The following RANBP10 variants were observed in gnomAD, a reference collection of about 807,000 sequenced individuals.
The protein encoded by RANBP10 is RAN binding protein 10.
A neutral mutation model predicts 72.8 loss-of-function variants in RANBP10; 24 were observed. The ratio of observed to expected loss-of-function variants is 0.33; its 90% confidence interval spans 0.24 to 0.46. RANBP10 has a LOEUF of 0.46. RANBP10 is among the 20% of genes least tolerant of loss of function. The probability of loss-of-function intolerance (pLI) is 1.00; values close to 1 mark genes in which losing one functional copy is unlikely to be tolerated. For synonymous variants in RANBP10, 310 were observed against 322.3 expected (o/e 0.96, Z 0.41); for missense variants, 679 against 817.5 (o/e 0.83, Z 2.07).
chr16:67,786,077 G>A (rs1469183091), intron 2 of RANBP10, among the ~76,000 whole-genome samples: 1 of 151,818 alleles, frequency 6.6e-6, no homozygotes, highest in Non-Finnish European at 1.5e-5. Flanking sequence ...TGTAATACCA[G>A]TGCTTTGGGA....
Position 67,730,297 on chromosome 16 carries a change from G to A in RANBP10, c.890-251C>T, listed in dbSNP as rs144647952. On this transcript the variant is annotated intron_variant, in intron 7 of 13. Transcript: ENST00000317506. The surrounding 1 kb of genome is among the most constrained non-coding windows in gnomAD (Gnocchi z 4.3). ...GGAGACTCTCAGCCCAAAGGCAGGA[G>A]GGTAAATGTGGAGGTCTGCTCCTGC... 1.2e-3 allele frequency among the ~76,000 whole-genome samples: 186 copies of A among 152,346 alleles called. No homozygotes were observed. The highest frequency in any genetic ancestry group is 4.1e-3 in the African/African-American group (172 of 41,580).
intron 2 of RANBP10, among the ~76,000 whole-genome samples, chr16:67,776,634 G>A (rs551012486): frequency 2.2e-3 from 329 of 151,146 alleles, no homozygotes; most frequent in South Asian, 0.012. Flanking sequence ...TTAGCCGGGC[G>A]TGGTGGTGGG....
intron 2 of RANBP10, among the ~76,000 whole-genome samples, chr16:67,786,335 A>AT (rs1196855551): frequency 3.3e-5 from 5 of 152,184 alleles, no homozygotes; most frequent in African/African-American, 1.2e-4. Flanking sequence ...TCTGAAAAAA[A>AT]TAAAAATAAA....
intron 3 of RANBP10, among the ~76,000 whole-genome samples, chr16:67,748,138 T>C (rs1008387581): frequency 1.3e-5 from 2 of 151,914 alleles, no homozygotes; most frequent in East Asian, 1.9e-4. Context: ...ATTTTCTTAA[T>C]AATGCCTTTC....
At chr16:67,757,745 C>T (rs766447573) in intron 3 of RANBP10, among the ~76,000 whole-genome samples, 36 of 152,156 alleles carry the variant, frequency 2.4e-4, no homozygotes, top group Non-Finnish European at 2.2e-4. Context: ...CAGAGAACAC[C>T]GCTGTCACAG....
intron 2 of RANBP10, among the ~76,000 whole-genome samples, chr16:67,801,176 G>A (rs1048646507): frequency 6.6e-6 from 1 of 152,170 alleles, no homozygotes; most frequent in African/African-American, 2.4e-5. Context: ...TACAAAGGAG[G>A]TGTACTCAAA....
chr16:67,766,647 T>A (rs1357451312), intron 3 of RANBP10, among the ~76,000 whole-genome samples: 2 of 152,180 alleles, frequency 1.3e-5, no homozygotes, highest in South Asian at 4.1e-4. Flanking sequence ...CAGAAGCAGA[T>A]GCTGGAGCTA....
At chr16:67,792,794 AAAG>A (rs1283137832) in intron 2 of RANBP10, among the ~76,000 whole-genome samples, 1 of 151,862 alleles carries the variant, frequency 6.6e-6, no homozygotes, top group East Asian at 1.9e-4. Context: ...AAAAAAAAAA[AAAG>A]AATAGGCCAG....
chr16:67,756,749 C>T (rs752485982), intron 3 of RANBP10, among the ~76,000 whole-genome samples: 1 of 152,150 alleles, frequency 6.6e-6, no homozygotes, highest in Non-Finnish European at 1.5e-5. Flanking sequence ...AAAAGCTAGC[C>T]TGAGCACTGA....
intron 2 of RANBP10, among the ~76,000 whole-genome samples, chr16:67,779,671 A>C (rs895998625): frequency 2.6e-5 from 4 of 152,102 alleles, no homozygotes; most frequent in Non-Finnish European, 4.4e-5. Flanking sequence ...TTCAGTAAAA[A>C]CAGGTGTGAT....
intron 2 of RANBP10, among the ~76,000 whole-genome samples, chr16:67,796,182 C>G (rs1468629654): frequency 1.3e-5 from 2 of 152,094 alleles, no homozygotes; most frequent in African/African-American, 4.8e-5. Flanking sequence ...TCCCAAAGCG[C>G]TGGGATTACA....
chr16:67,733,404 ATAT>A (rs892524404), intron 6 of RANBP10, among the ~76,000 whole-genome samples: 2 of 152,152 alleles, frequency 1.3e-5, no homozygotes, highest in African/African-American at 4.8e-5. Flanking sequence ...TTATTACACC[ATAT>A]TATTATTATA....
At chr16:67,799,351 G>A (rs1261555260) in intron 2 of RANBP10, among the ~76,000 whole-genome samples, 7 of 146,976 alleles carry the variant, frequency 4.8e-5, no homozygotes, top group Non-Finnish European at 8.9e-5. Flanking sequence ...GCAGTGGCGC[G>A]ATCTCGGCTC....
chr16:67,755,450 G>A (rs773345353), intron 3 of RANBP10, among the ~76,000 whole-genome samples: 3 of 152,044 alleles, frequency 2.0e-5, no homozygotes, highest in Non-Finnish European at 2.9e-5. Flanking sequence ...TTGGGAGGCC[G>A]AGGTGGGTGG....
chr16:67,771,628 C>T lies in RANBP10; in HGVS notation c.400+406G>A, dbSNP rs571273031. 5.3e-5 allele frequency among the ~76,000 whole-genome samples: 8 copies of T among 152,242 alleles called. No individual in the cohort carries two copies. In the East Asian group the frequency reaches 1.4e-3, roughly 26 times the overall value. On this transcript the variant is annotated intron_variant, in intron 3 of 13. Coordinates refer to ENST00000317506, the MANE Select transcript of RANBP10 (RefSeq NM_020850.3). ...CCAAAGTGGGATTACAGGCGTGAGC[C>T]GCTGTGCCCGGCCAAAAACTTTGAT... is the stretch of plus-strand genomic sequence containing the variant.
intron 3 of RANBP10, among the ~76,000 whole-genome samples, chr16:67,769,246 A>C (rs1318064087): frequency 6.6e-6 from 1 of 150,378 alleles, no homozygotes; most frequent in Non-Finnish European, 1.5e-5. Flanking sequence ...GTTCTAGACG[A>C]GTCTGGGCAA....
chr16:67,753,105 G>A (rs908115197), intron 3 of RANBP10, among the ~76,000 whole-genome samples: 1 of 151,724 alleles, frequency 6.6e-6, no homozygotes, highest in African/African-American at 2.4e-5. Flanking sequence ...GCTGGGTGTG[G>A]CGGTGTGTAC....
intron 3 of RANBP10, among the ~76,000 whole-genome samples, chr16:67,758,840 T>C (rs1260997560): frequency 1.3e-5 from 2 of 151,210 alleles, no homozygotes; most frequent in Non-Finnish European, 2.9e-5. Flanking sequence ...ATGCCCAGAA[T>C]AAGACTTTTT....
At chr16:67,777,052 A>T (rs1707553016) in intron 2 of RANBP10, among the ~76,000 whole-genome samples, 1 of 151,328 alleles carries the variant, frequency 6.6e-6, no homozygotes, top group Admixed American at 6.6e-5. Context: ...TCTACTAAAA[A>T]TACAAAAATT....
Sources: gnomAD v4.1 joint callset for allele counts (sites outside exome capture counted in the v4.1 genomes callset) on GRCh38, gnomAD v4.1.1 for gene constraint, Gnocchi (gnomAD v3.1) non-coding constraint, MANE v1.5 for transcripts, NCBI Gene and HGNC (gene_info 2026-07-23, HGNC 2026-07-21) for gene names.